Variants in INHBC observed in about 807,000 individuals in gnomAD.
INHBC encodes inhibin subunit beta C.
In INHBC, 10 loss-of-function variants were observed where a neutral mutation model predicts 12.4. The ratio of observed to expected loss-of-function variants is 0.81; its 90% CI spans 0.50 to 1.37. INHBC has a LOEUF of 1.37. Ranked by LOEUF, INHBC falls within the 40% of genes most tolerant of loss-of-function variation. The pLI, the probability that INHBC is intolerant of heterozygous loss-of-function variation, is 0.00. For synonymous variants in INHBC, 147 were observed against 171.6 expected (o/e 0.86, Z 1.12); for missense variants, 382 against 439.4 (o/e 0.87, Z 1.17).
At chr12:57,446,456 CTTTATTTATTTATTTATTTATTTA>C (rs57129298) in intron 1 of INHBC, among the ~76,000 whole-genome samples, 26 of 130,426 alleles carry the variant, frequency 2.0e-4, no homozygotes, top group East Asian at 1.8e-3. Flanking sequence ...GAGCTTAGGA[CTTTATTTATTTATTTATTTATTTA>C]TTTATTTATT....
At chr12:57,441,125 G>A (rs933344987) in intron 1 of INHBC, among the ~76,000 whole-genome samples, 1 of 151,710 alleles carries the variant, frequency 6.6e-6, no homozygotes, top group Non-Finnish European at 1.5e-5. Context: ...AGGCCAAAAC[G>A]GGTGGATCAC....
intron 1 of INHBC, among the ~76,000 whole-genome samples, chr12:57,435,823 C>T (rs957361444): frequency 8.6e-5 from 13 of 151,668 alleles, no homozygotes; most frequent in African/African-American, 1.2e-4. Context: ...AGTTCGAGAC[C>T]AGCCTGAGCA....
chr12:57,443,336 G>A (rs1263993465), intron 1 of INHBC, among the ~76,000 whole-genome samples: 22 of 151,820 alleles, frequency 1.4e-4, no homozygotes, highest in African/African-American at 5.3e-4. Flanking sequence ...CCAGGCTGGA[G>A]TGCAATGGCA....
At chr12:57,443,914 G>C (rs1870520691) in intron 1 of INHBC, among the ~76,000 whole-genome samples, 1 of 152,060 alleles carries the variant, frequency 6.6e-6, no homozygotes. Flanking sequence ...TCAGCCTCCT[G>C]AGTAGCTGGG....
In INHBC at chr12:57,451,897, G is replaced by C. The variant is rs1199757963; in HGVS notation, c.*1875G>C. The C allele has an allele frequency of 2.2e-6, 1 of 453,838 alleles. No homozygotes were observed. Among genetic ancestry groups the C allele is most frequent in the East Asian group, 7.0e-5 (1 of 14,334 alleles). The allele number at this position is 453,838 out of a possible 1,614,324, so 28.1% of individuals were successfully genotyped here. On this transcript the variant is annotated 3_prime_UTR_variant, in exon 2 of 2. Coordinates refer to ENST00000309668, the MANE Select transcript of INHBC (RefSeq NM_005538.4). ...TCTCCAGGGCTAGGACTGGGGTAAA[G>C]CAAAGTGAGTCATTCACCTGGGGGG... is the stretch of plus-strand genomic sequence containing the variant.
At chr12:57,437,670 CAAA>C (rs34920755) in intron 1 of INHBC, among the ~76,000 whole-genome samples, 6 of 113,886 alleles carry the variant, frequency 5.3e-5, no homozygotes, top group East Asian at 2.5e-4. Context: ...CACTCCGTCT[CAAA>C]AAAAAAAAAA....
intron 1 of INHBC, among the ~76,000 whole-genome samples, chr12:57,448,154 G>A (rs1252449797): frequency 6.6e-6 from 1 of 151,672 alleles, no homozygotes; most frequent in Non-Finnish European, 1.5e-5. Context: ...ACATTCATGT[G>A]ACAAAAGTAA....
chr12:57,448,295 G>T (rs1870633008), intron 1 of INHBC, among the ~76,000 whole-genome samples: 1 of 152,126 alleles, frequency 6.6e-6, no homozygotes, highest in Non-Finnish European at 1.5e-5. Flanking sequence ...GCTTGGCTGG[G>T]CGTGGTGGCT....
intron 1 of INHBC, among the ~76,000 whole-genome samples, chr12:57,441,042 AAAACAAAC>A (rs536803247): frequency 5.3e-5 from 8 of 152,068 alleles, no homozygotes; most frequent in South Asian, 2.1e-4. Context: ...ATGTTTCTTT[AAAACAAAC>A]AAACAAACAA....
At chr12:57,445,268 T>A (rs1354273638) in intron 1 of INHBC, among the ~76,000 whole-genome samples, 1 of 152,206 alleles carries the variant, frequency 6.6e-6, no homozygotes, top group African/African-American at 2.4e-5. Context: ...TGAAGTGTTT[T>A]AAGCTGAGAA....
chr12:57,449,137 C>G (rs1251472087), intron 1 of INHBC, 140 bp from the exon 2 acceptor site: 1 of 1,116,674 alleles, frequency 9.0e-7, no homozygotes, highest in East Asian at 2.4e-5. Flanking sequence ...CAATTTCCAG[C>G]ACATGAACTT....
chr12:57,447,892 A>AAAATAT (rs1555325179), intron 1 of INHBC, among the ~76,000 whole-genome samples: 11 of 19,864 alleles, frequency 5.5e-4, no homozygotes, highest in African/African-American at 7.8e-4. Flanking sequence ...AAAAAAAAAA[A>AAAATAT]ATATATATAT....
In INHBC at chr12:57,451,475, G is replaced by C. The variant is rs773560476; in HGVS notation, c.*1453G>C. ...GAGGGTGGCATTTGCTCTGAGACTGGGTCCTTTTTAGACCTTTGCCCGTCC... is the reference window on the plus strand; with the variant it reads ...GAGGGTGGCATTTGCTCTGAGACTGCGTCCTTTTTAGACCTTTGCCCGTCC... On this transcript the variant is annotated 3_prime_UTR_variant, in exon 2 of 2. Coordinates refer to ENST00000309668, the MANE Select transcript of INHBC (RefSeq NM_005538.4). Among the ~76,000 whole-genome samples the C allele has an allele frequency of 6.6e-6, 1 of 152,146 alleles. No individual in the cohort carries two copies. Among genetic ancestry groups the C allele is most frequent in the Non-Finnish European group, 1.5e-5 (1 of 68,022 alleles).
chr12:57,448,690 G>A (rs1188642885), intron 1 of INHBC, among the ~76,000 whole-genome samples: 1 of 152,088 alleles, frequency 6.6e-6, no homozygotes, highest in Non-Finnish European at 1.5e-5. Flanking sequence ...GATATTAAAG[G>A]GATGGTCAGA....
In INHBC at chr12:57,450,334, A is replaced by G. The variant is rs953841414; in HGVS notation, c.*312A>G. 9 of 237,014 alleles carry G rather than the reference A, an allele frequency of 3.8e-5. No homozygotes were observed. The highest frequency in any genetic ancestry group is 7.3e-5 in the Non-Finnish European group (9 of 123,050). 14.7% of individuals were successfully genotyped at this position (237,014 alleles called of 1,614,324 possible). On this transcript the variant is annotated 3_prime_UTR_variant, in exon 2 of 2. Transcript: ENST00000309668. ...GCAATGCCATCTGGTTCCCAGGCAA[A>G]GACACCCTTAGCTCACCTTTAATAG... is the stretch of plus-strand genomic sequence containing the variant.
intron 1 of INHBC, among the ~76,000 whole-genome samples, chr12:57,447,664 C>G (rs1441926102): frequency 4.0e-5 from 6 of 149,044 alleles, no homozygotes; most frequent in Admixed American, 4.0e-4. Context: ...CAGGGCGAAT[C>G]ACTTGAGGTG....
intron 1 of INHBC, among the ~76,000 whole-genome samples, chr12:57,436,399 G>T (rs1187928477): frequency 6.6e-6 from 1 of 150,846 alleles, no homozygotes; most frequent in East Asian, 2.0e-4. Context: ...TCCTGACCTC[G>T]TGATCCGCCT....
rs752475990 is a variant in INHBC, at chr12:57,450,049, G to A, written c.*27G>A. ...CTATGTGTGGTATGGGCAGCCCAAG[G>A]TTGCATGGGAAAACACGCCCCTACA... On this transcript the variant is annotated 3_prime_UTR_variant, in exon 2 of 2. Transcript: ENST00000309668. 8 of 1,482,548 alleles carry A rather than the reference G, an allele frequency of 5.4e-6. No homozygotes were observed. Among genetic ancestry groups the A allele is most frequent in the Non-Finnish European group, 7.1e-6 (8 of 1,120,994 alleles). The allele number at this position is 1,482,548 out of a possible 1,614,324, so 91.8% of individuals were successfully genotyped here. A position where few individuals can be genotyped will look rare whatever the true frequency, so the allele number is the denominator to read the frequency against.
rs749938540 is a variant in INHBC, at chr12:57,449,526, CT to C, written c.564del (p.Ala189ProfsTer7). 2 of 1,614,040 alleles carry C rather than the reference CT, an allele frequency of 1.2e-6. No individual in the cohort carries two copies. The highest frequency in any genetic ancestry group is 1.7e-6 in the Non-Finnish European group (2 of 1,179,864). On this transcript the variant is annotated frameshift_variant, in exon 2 of 2. Coordinates refer to ENST00000309668, the MANE Select transcript of INHBC (RefSeq NM_005538.4). LOFTEE classifies it high-confidence loss of function. Reference sequence around the variant, plus strand: ...CTCCCCCTAGGGCCTGAAGCTCAAGCTGCCTGCAGCCAGGGGCACCTGACCC... The same window carrying C: ...CTCCCCCTAGGGCCTGAAGCTCAAGCGCCTGCAGCCAGGGGCACCTGACCC... ...HQLPLGPEAQ[A>X]ACSQGHLTLE...
Sources: allele counts gnomAD v4.1 joint callset (sites outside exome capture counted in the v4.1 genomes callset), GRCh38; gene constraint gnomAD v4.1.1; transcripts MANE v1.5; gene names NCBI Gene and HGNC (gene_info 2026-07-23, HGNC 2026-07-21).